SHD: variants seen among roughly 807,000 people sequenced by gnomAD.
The protein encoded by SHD is Src homology 2 domain containing transforming protein D, also known as SH2 domain-containing adapter protein D.
A neutral mutation model predicts 31.2 loss-of-function variants in SHD; 29 were observed. The observed-to-expected ratio is 0.93, with a 90% CI of 0.69 to 1.27. The LOEUF is 1.27. SHD is among the 50% of genes most tolerant of loss of function. The probability of loss-of-function intolerance (pLI) is 0.00; values close to 1 mark genes in which losing one functional copy is unlikely to be tolerated. For synonymous variants in SHD, 208 were observed against 187.8 expected (o/e 1.11, Z -0.88); for missense variants, 520 against 453.8 (o/e 1.15, Z -1.33).
Position 4,279,975 on chromosome 19 carries a change from C to T in SHD, c.-89C>T. On this transcript the variant is annotated 5_prime_UTR_variant, in exon 1 of 6. Transcript: ENST00000543264. The surrounding 1 kb of genome is among the most constrained non-coding windows in gnomAD (Gnocchi z 7.5). ...TTCCCTGCTCTTCCCTTCCTCTCCA[C>T]CTCCTCCTCCTCCTTGGGGAAAGGG... is the stretch of plus-strand genomic sequence containing the variant. 1.5e-6 allele frequency: 2 copies of T among 1,360,084 alleles called. No homozygotes were observed. Among genetic ancestry groups the T allele is most frequent in the South Asian group, 3.0e-5 (2 of 67,014 alleles). 84.3% of individuals were successfully genotyped at this position (1,360,084 alleles called of 1,614,324 possible).
In SHD at chr19:4,279,948, C is replaced by T. The variant is rs1971238899; in HGVS notation, c.-116C>T. On this transcript the variant is annotated 5_prime_UTR_variant, in exon 1 of 6. Coordinates refer to ENST00000543264, the MANE Select transcript of SHD (RefSeq NM_020209.4). This position sits in a 1 kb window ranked among gnomAD's most constrained non-coding sequence, Gnocchi z 7.5. ...AAAGGGCGCACCTGATCTTTCTCAT[C>T]CTTCCCTGCTCTTCCCTTCCTCTCC... 7.8e-7 allele frequency: 1 copy of T among 1,276,966 alleles called. No individual in the cohort carries two copies. Among genetic ancestry groups the T allele is most frequent in the Non-Finnish European group, 1.1e-6 (1 of 940,784 alleles). 79.1% of individuals were successfully genotyped at this position (1,276,966 alleles called of 1,614,324 possible).
At chr19:4,288,418 T>C in intron 5 of SHD, 56 bp downstream of exon 5, 7 of 1,554,872 alleles carry the variant, frequency 4.5e-6, no homozygotes, top group South Asian at 1.2e-5. Flanking sequence ...AGTCACCCTT[T>C]TGGGTTAATT....
chr19:4,280,161 C>T lies in SHD; in HGVS notation c.98C>T (p.Ala33Val), dbSNP rs377068329. 99 of 1,613,796 alleles carry T rather than the reference C, an allele frequency of 6.1e-5. No homozygotes were observed. The highest frequency in any genetic ancestry group is 8.0e-5 in the Non-Finnish European group (94 of 1,179,996). The change falls in exon 1 of 6, where the codon GCC becomes GTC. Residue 33 changes from alanine to valine, a missense_variant. Ala to Val is a moderately conservative substitution (Grantham distance 64). Coordinates refer to ENST00000543264, the MANE Select transcript of SHD (RefSeq NM_020209.4). ...TACACCGAGAGCGACATCCTGAGGG[C>T]CTACCGCGCGCAGAAGAACCTGGAC... ...PDYTESDILR[A>V]YRAQKNLDFE...
chr19:4,280,781 C>T (rs931170304), intron 1 of SHD, among the ~76,000 whole-genome samples: 1 of 152,132 alleles, frequency 6.6e-6, no homozygotes, highest in Non-Finnish European at 1.5e-5. Flanking sequence ...CCCGCCTCTG[C>T]CTCCCGAAGT....
At chr19:4,288,488 G>A (rs1971343949) in intron 5 of SHD, 126 bp downstream of exon 5, 1 of 1,179,342 alleles carries the variant, frequency 8.5e-7, no homozygotes, top group Admixed American at 2.8e-5. Context: ...AGGTCAGTGG[G>A]TGGGACTTCT....
rs747110322 is a variant in SHD, at chr19:4,284,839, ACCT to A, written c.654_656del (p.Pro220del). Reference sequence around the variant, plus strand: ...CAGGCTCAGCCAAGGAGCTCCGGAGACCTCCGCCCAGAAGCCCCCAGCCTGCGG... The same window carrying A: ...CAGGCTCAGCCAAGGAGCTCCGGAGACCGCCCAGAAGCCCCCAGCCTGCGG... On this transcript the variant is annotated inframe_deletion, in exon 4 of 6. Coordinates refer to ENST00000543264, the MANE Select transcript of SHD (RefSeq NM_020209.4). 1.9e-6 allele frequency: 3 copies of A among 1,612,124 alleles called. No individual in the cohort carries two copies. Among genetic ancestry groups the A allele is most frequent in the East Asian group, 4.5e-5 (2 of 44,754 alleles).
chr19:4,289,058 C>A (rs1471859027), intron 5 of SHD, among the ~76,000 whole-genome samples: 1 of 150,272 alleles, frequency 6.7e-6, no homozygotes, highest in Non-Finnish European at 1.5e-5. Flanking sequence ...ATTGCTTGAA[C>A]CTGGGAGACG....
chr19:4,286,369 CAG>C (rs147640773), intron 4 of SHD, among the ~76,000 whole-genome samples: 19,290 of 146,870 alleles, frequency 0.13, 1,561 homozygotes, highest in East Asian at 0.22. Flanking sequence ...TCTTTTGAGA[CAG>C]GGTCTCACTC....
chr19:4,288,557 C>A (rs1599516520), intron 5 of SHD, among the ~76,000 whole-genome samples, 195 bp downstream of exon 5: 1 of 152,098 alleles, frequency 6.6e-6, no homozygotes, highest in African/African-American at 2.4e-5. Flanking sequence ...AGAATGAGCT[C>A]ACCATCGCTG....
At position 4,281,809 on chromosome 19, in the gene SHD, C is replaced by T. The variant is rs144786491; in HGVS notation, c.298-1061C>T. On this transcript the variant is annotated intron_variant, in intron 1 of 5. Coordinates refer to ENST00000543264, the MANE Select transcript of SHD (RefSeq NM_020209.4). ...ACGTTGGTAAGAAGAGCCAGGGACT[C>T]GAGGAAACCAGTCAGCCGGGATCAG... is the stretch of plus-strand genomic sequence containing the variant. 3.9e-4 allele frequency among the ~76,000 whole-genome samples: 59 copies of T among 152,086 alleles called. 1 individual carries two copies. In the East Asian group the frequency reaches 7.5e-3, roughly 19 times the overall value.
In SHD at chr19:4,279,932, A is replaced by G; in HGVS notation, c.-132A>G. On this transcript the variant is annotated 5_prime_UTR_variant, in exon 1 of 6. Coordinates refer to ENST00000543264, the MANE Select transcript of SHD (RefSeq NM_020209.4). This position sits in a 1 kb window ranked among gnomAD's most constrained non-coding sequence, Gnocchi z 7.5. ...CATCCAGAGCCCCGCCAAAGGGCGC[A>G]CCTGATCTTTCTCATCCTTCCCTGC... 2 of 1,129,422 alleles carry G rather than the reference A, an allele frequency of 1.8e-6. No homozygotes were observed. The highest frequency in any genetic ancestry group is 1.6e-5 in the South Asian group (1 of 60,922). 70.0% of individuals were successfully genotyped at this position (1,129,422 alleles called of 1,614,324 possible).
rs769174555 is a variant in SHD at position 4,282,941 on chromosome 19, C to A, written c.369C>A (p.Tyr123Ter). The change falls in exon 2 of 6, where the codon TAC (tyrosine) becomes TAA (stop). Residue 123 changes from tyrosine to a stop codon, truncating the protein, a stop_gained. Coordinates refer to ENST00000543264, the MANE Select transcript of SHD (RefSeq NM_020209.4). LOFTEE classifies it high-confidence loss of function. ...QPHPAPPDDG[Y>*]MEPYDAQWVM... Reference sequence around the variant, plus strand: ...ATCCTGCACCCCCGGATGATGGGTACATGGAGCCCTACGATGCCCAATGGG... The same window carrying A: ...ATCCTGCACCCCCGGATGATGGGTAAATGGAGCCCTACGATGCCCAATGGG... The A allele has an allele frequency of 1.2e-6, 2 of 1,613,996 alleles. No individual in the cohort carries two copies. The highest frequency in any genetic ancestry group is 2.2e-5 in the South Asian group (2 of 91,066).
chr19:4,287,222 C>G (rs1430764016), intron 4 of SHD, among the ~76,000 whole-genome samples: 2 of 151,632 alleles, frequency 1.3e-5, no homozygotes, highest in African/African-American at 2.4e-5. Flanking sequence ...GTCCCAGCTA[C>G]TTGGGAGGCT....
intron 1 of SHD, among the ~76,000 whole-genome samples, chr19:4,281,441 C>A (rs62129293): frequency 9.7e-6 from 1 of 102,726 alleles, no homozygotes. Context: ...AGAGCAACAC[C>A]CTGTCTCAAA....
At position 4,289,103 on chromosome 19, in the gene SHD, A is replaced by ATTT. The variant is rs71166980; in HGVS notation, c.836+764_836+766dup. Among the ~76,000 whole-genome samples the ATTT allele has an allele frequency of 2.8e-3, 215 of 77,398 alleles. 2 individuals are homozygous for ATTT. Among genetic ancestry groups the ATTT allele is most frequent in the African/African-American group, 7.4e-3 (131 of 17,736 alleles). The allele number at this position is 77,398 out of a possible 152,430, so 50.8% of individuals were successfully genotyped here. A position where few individuals can be genotyped will look rare whatever the true frequency, so the allele number is the denominator to read the frequency against. ...CGGCGCATACCACCGTGCCCAGCTA[A>ATTT]TTTTTTTTTTTTTTTTTTTTTTTTT... On this transcript the variant is annotated intron_variant, in intron 5 of 5. Coordinates refer to ENST00000543264, the MANE Select transcript of SHD (RefSeq NM_020209.4).
intron 1 of SHD, among the ~76,000 whole-genome samples, chr19:4,280,897 G>A (rs541919276): frequency 7.2e-5 from 11 of 151,778 alleles, no homozygotes; most frequent in African/African-American, 1.7e-4. Context: ...CTTGGTCTCC[G>A]GGTCCTCCTC....
intron 4 of SHD, among the ~76,000 whole-genome samples, chr19:4,286,288 TTTCC>T (rs199916938): frequency 0.07 from 7,919 of 113,330 alleles, 893 homozygotes; most frequent in African/African-American, 0.24. Flanking sequence ...TCTTTTTTTC[TTTCC>T]TTCCTTCCTT....
At chr19:4,283,531 G>A (rs890217841) in intron 3 of SHD, among the ~76,000 whole-genome samples, 1 of 151,830 alleles carries the variant, frequency 6.6e-6, no homozygotes, top group African/African-American at 2.4e-5. Context: ...ATAGGATGTG[G>A]GGGTGGCAGG....
chr19:4,290,717 ATTGT>A, exon 6 of SHD: 4 of 1,393,790 alleles, frequency 2.9e-6, no homozygotes, highest in African/African-American at 5.8e-5. Context: ...TAAATAAGTT[ATTGT>A]TTGTCTTAGT....
Sources: gnomAD v4.1 joint callset for allele counts (sites outside exome capture counted in the v4.1 genomes callset) on GRCh38, gnomAD v4.1.1 for gene constraint, Gnocchi (gnomAD v3.1) non-coding constraint, MANE v1.5 for transcripts, NCBI Gene and HGNC (gene_info 2026-07-23, HGNC 2026-07-21) for gene names.